TNPO2: variants seen among roughly 807,000 people sequenced by gnomAD.
The protein encoded by TNPO2 is transportin-2.
A neutral mutation model predicts 111.1 loss-of-function variants in TNPO2; 16 were observed. The observed-to-expected ratio is 0.14, with a 90% CI of 0.10 to 0.22. TNPO2 has a LOEUF of 0.22. TNPO2 is among the 10% of genes least tolerant of loss of function. The probability of loss-of-function intolerance (pLI) is 1.00; values close to 1 mark genes in which losing one functional copy is unlikely to be tolerated. For missense variants in TNPO2, 530 were observed against 1,173.7 expected (o/e 0.45, Z 8.01); for synonymous variants, 481 against 475.8 (o/e 1.01, Z -0.14).
In TNPO2 at chr19:12,706,163, G is replaced by T; in HGVS notation, c.1668+33C>A. On this transcript the variant is annotated intron_variant, in intron 15 of 25. Coordinates refer to ENST00000425528, the MANE Select transcript of TNPO2 (RefSeq NM_001382241.1). This position sits in a 1 kb window ranked among gnomAD's most constrained non-coding sequence, Gnocchi z 7.0. ...GTCACTGGATGCCCAGGGGCACGGG[G>T]ATCGGGAGGCGGGAGCCGCTCTGGG... 1.9e-6 allele frequency: 3 copies of T among 1,605,420 alleles called. No homozygotes were observed. The highest frequency in any genetic ancestry group is 2.6e-6 in the Non-Finnish European group (3 of 1,175,728).
intron 5 of TNPO2, among the ~76,000 whole-genome samples, chr19:12,716,625 AAAAC>A (rs1005465220): frequency 2.0e-5 from 3 of 152,162 alleles, no homozygotes; most frequent in African/African-American, 7.2e-5. Context: ...CTCCATTTCA[AAAAC>A]AAACAAAACA....
rs913782439 is a variant in TNPO2 at position 12,702,367 on chromosome 19, T to C, written c.2306-190A>G. 5.8e-6 allele frequency: 4 copies of C among 692,596 alleles called. No individual in the cohort carries two copies. The Admixed American group carries it at 8.3e-5, about 14-fold the overall frequency. The allele number at this position is 692,596 out of a possible 1,614,324, so 42.9% of individuals were successfully genotyped here. A position where few individuals can be genotyped will look rare whatever the true frequency, so the allele number is the denominator to read the frequency against. ...TCTCTCTGCATCTATCTTTCTTTCT[T>C]TCCTTTCCCTTTCCTTTTTGTTTTT... On this transcript the variant is annotated intron_variant, in intron 21 of 25. Coordinates refer to ENST00000425528, the MANE Select transcript of TNPO2 (RefSeq NM_001382241.1). The surrounding 1 kb of genome is among the most constrained non-coding windows in gnomAD (Gnocchi z 5.5).
At chr19:12,710,919 A>C in intron 12 of TNPO2, 146 bp from the exon 13 acceptor site, 1 of 965,258 alleles carries the variant, frequency 1.0e-6, no homozygotes. Flanking sequence ...TTTGAGACGG[A>C]GTCTCACTTT....
intron 10 of TNPO2, among the ~76,000 whole-genome samples, chr19:12,713,707 A>G (rs1445686013): frequency 6.6e-6 from 1 of 152,034 alleles, no homozygotes; most frequent in Admixed American, 6.6e-5. Flanking sequence ...CTCCGTCTCA[A>G]AAACAGAAAT....
chr19:12,703,675 G>T (rs2145464076), intron 19 of TNPO2, 39 bp downstream of exon 19: 4 of 1,600,652 alleles, frequency 2.5e-6, no homozygotes, highest in Non-Finnish European at 3.4e-6. Context: ...TTGAGGCCGG[G>T]GCTGGGGTCA....
rs2026529823 is a variant in TNPO2 at position 12,719,169 on chromosome 19, G to A, written c.185C>T (p.Thr62Met). The stretch of plus-strand genomic sequence containing the variant: ...GAGGATGAGGCCACTGAGAGAGCGC[G>A]TTGGCTCATCTGGGAGGAGGAAGGC... ...LTRLKSEDEPTRSLSGLILKN... is the reference protein window; with the variant it reads ...LTRLKSEDEPMRSLSGLILKN... The change falls in exon 5 of 26, where the codon ACG (threonine) becomes ATG (methionine). Residue 62 changes from threonine to methionine, a missense_variant. Physicochemically the swap from Thr to Met is moderately conservative, Grantham distance 81. Coordinates refer to ENST00000425528, the MANE Select transcript of TNPO2 (RefSeq NM_001382241.1). The surrounding 1 kb of genome is among the most constrained non-coding windows in gnomAD (Gnocchi z 5.0). 1 of 1,614,022 alleles carries A rather than the reference G, an allele frequency of 6.2e-7. No homozygotes were observed. Among genetic ancestry groups the A allele is most frequent in the Non-Finnish European group, 8.5e-7 (1 of 1,179,894 alleles).
rs1449309232 is a variant in TNPO2 at position 12,702,027 on chromosome 19, C to T, written c.2411+45G>A. 1.3e-6 allele frequency: 2 copies of T among 1,587,566 alleles called. No individual in the cohort carries two copies. Among genetic ancestry groups the T allele is most frequent in the Non-Finnish European group, 1.7e-6 (2 of 1,156,618 alleles). On this transcript the variant is annotated intron_variant, in intron 22 of 25. Coordinates refer to ENST00000425528, the MANE Select transcript of TNPO2 (RefSeq NM_001382241.1). This position sits in a 1 kb window ranked among gnomAD's most constrained non-coding sequence, Gnocchi z 5.5. ...TGCACAGGCGAGGGAGGGGGTTGGG[C>T]CAGTCCCGCCCACCACACAGCAGGC...
Position 12,716,526 on chromosome 19 carries a change from C to T in TNPO2, c.326-787G>A, listed in dbSNP as rs373314021. Among the ~76,000 whole-genome samples, 5 of 151,966 alleles carry T rather than the reference C, an allele frequency of 3.3e-5. No homozygotes were observed. The East Asian group carries it at 7.7e-4, about 24-fold the overall frequency. On this transcript the variant is annotated intron_variant, in intron 5 of 25. Coordinates refer to ENST00000425528, the MANE Select transcript of TNPO2 (RefSeq NM_001382241.1). ...CAGTAATCCCAGCTACTTGGGAGGC[C>T]GAGGCAGGAGAATCACTTGAACCTG...
At chr19:12,707,479 C>CT (rs56817777) in intron 13 of TNPO2, among the ~76,000 whole-genome samples, 862 of 75,090 alleles carry the variant, frequency 0.011, 115 homozygotes, top group Non-Finnish European at 0.016. Flanking sequence ...TGTGAGTTTT[C>CT]TTTTTTTTTT....
chr19:12,718,324 C>G (rs1035784438), intron 5 of TNPO2, among the ~76,000 whole-genome samples: 5 of 152,180 alleles, frequency 3.3e-5, no homozygotes, highest in Admixed American at 6.6e-5. Flanking sequence ...TGCCACCACG[C>G]CCAGCTAATT....
At position 12,714,865 on chromosome 19, in the gene TNPO2, G is replaced by C. The variant is rs375544397; in HGVS notation, c.846C>G (p.Ala282=). 13 of 1,613,688 alleles carry C rather than the reference G, an allele frequency of 8.1e-6. No individual in the cohort carries two copies. Among genetic ancestry groups the C allele is most frequent in the Non-Finnish European group, 1.1e-5 (13 of 1,179,810 alleles). ...GGACTTCCTTGCAGATGGGCTGCTC[G>C]GCCAGCGTCAGCCAGAACTCACAGG... ...LEACEFWLTL[A]EQPICKEVLA... Residue 282 remains alanine, a synonymous_variant, in exon 10 of 26, where the codon GCC becomes GCG. Coordinates refer to ENST00000425528, the MANE Select transcript of TNPO2 (RefSeq NM_001382241.1).
At position 12,706,239 on chromosome 19, in the gene TNPO2, A is replaced by G; in HGVS notation, c.1625T>C (p.Ile542Thr). 6.2e-7 allele frequency: 1 copy of G among 1,614,000 alleles called. No individual in the cohort carries two copies. Among genetic ancestry groups the G allele is most frequent in the Non-Finnish European group, 8.5e-7 (1 of 1,179,878 alleles). Residue 542 changes from isoleucine (I) to threonine (T), a missense_variant, in exon 15 of 26, where the codon ATT becomes ACT. Transcript: ENST00000425528. The surrounding 1 kb of genome is among the most constrained non-coding windows in gnomAD (Gnocchi z 7.0). ...GCCTACAGAGTCGGCCAGGGTGCCA[A>G]TGGCGTCATAGAGGATGAGCAGGTT... is the stretch of plus-strand genomic sequence containing the variant. Reference protein sequence around the residue: ...HKNLLILYDAIGTLADSVGHH... With the variant: ...HKNLLILYDATGTLADSVGHH...
At position 12,705,543 on chromosome 19, in the gene TNPO2, G is replaced by A. The variant is rs766783035; in HGVS notation, c.1812C>T (p.Pro604=). 38 of 1,605,592 alleles carry A rather than the reference G, an allele frequency of 2.4e-5. No individual in the cohort carries two copies. Among genetic ancestry groups the A allele is most frequent in the African/African-American group, 4.0e-5 (3 of 74,796 alleles). ...CCAGGGTGACACAGCGCTGGTAGAC[G>A]GGCTCACAGTAAGGCAGGAAGCCAC... ...LQSGFLPYCE[P]VYQRCVTLVQ... The change falls in exon 17 of 26, where the codon CCC becomes CCT. Residue 604 remains proline, a synonymous_variant. Coordinates refer to ENST00000425528, the MANE Select transcript of TNPO2 (RefSeq NM_001382241.1). This position sits in a 1 kb window ranked among gnomAD's most constrained non-coding sequence, Gnocchi z 7.2.
intron 12 of TNPO2, 46 bp from the exon 13 acceptor site, chr19:12,710,819 C>T (rs762365032): frequency 7.7e-6 from 12 of 1,554,662 alleles, no homozygotes; most frequent in Non-Finnish European, 9.6e-6. Flanking sequence ...GCCCCTCAGG[C>T]AGGTGGCCGA....
chr19:12,720,769 C>T, intron 3 of TNPO2, 110 bp downstream of exon 3: 3 of 1,374,120 alleles, frequency 2.2e-6, no homozygotes, highest in Non-Finnish European at 2.9e-6. Context: ...CTCCGCACAG[C>T]AGAAAAAATC....
At position 12,701,097 on chromosome 19, in the gene TNPO2, C is replaced by T. The variant is rs575633783; in HGVS notation, c.*167G>A. On this transcript the variant is annotated 3_prime_UTR_variant, in exon 26 of 26. Transcript: ENST00000425528. This position sits in a 1 kb window ranked among gnomAD's most constrained non-coding sequence, Gnocchi z 5.0. ...CCCACCTGCCAGGAGGGCAAGTGGA[C>T]GGATGGACGGACGGACGGACGGACG... The T allele has an allele frequency of 1.1e-5, 5 of 444,508 alleles. No homozygotes were observed. The highest frequency in any genetic ancestry group is 6.8e-5 in the South Asian group (2 of 29,356). 27.5% of individuals were successfully genotyped at this position (444,508 alleles called of 1,614,324 possible).
In TNPO2 at chr19:12,715,577, G is replaced by A. The variant is rs745322981; in HGVS notation, c.433-39C>T. On this transcript the variant is annotated intron_variant, in intron 6 of 25. Transcript: ENST00000425528. This position sits in a 1 kb window ranked among gnomAD's most constrained non-coding sequence, Gnocchi z 7.1. ...GGCAGAGAGACAAACGTGGGTGGTG[G>A]GTGGTGGTCCCAGCCCCCCAGTACT... 6.2e-7 allele frequency: 1 copy of A among 1,613,590 alleles called. No individual in the cohort carries two copies. The highest frequency in any genetic ancestry group is 1.1e-5 in the South Asian group (1 of 91,066).
At chr19:12,722,972 A>G (rs1234318381) in intron 2 of TNPO2, among the ~76,000 whole-genome samples, 7 of 152,072 alleles carry the variant, frequency 4.6e-5, no homozygotes, top group Non-Finnish European at 1.5e-5. Context: ...CCCTTCCCCC[A>G]TCCAGAGGTA....
At chr19:12,704,494 AGTT>A (rs1327123379) in intron 18 of TNPO2, among the ~76,000 whole-genome samples, 28 of 152,332 alleles carry the variant, frequency 1.8e-4, no homozygotes, top group African/African-American at 6.7e-4. Context: ...GTATGGGAAT[AGTT>A]GTTATACTGT....
Sources: allele counts gnomAD v4.1 joint callset (sites outside exome capture counted in the v4.1 genomes callset), GRCh38; gene constraint gnomAD v4.1.1; non-coding constraint Gnocchi (gnomAD v3.1); transcripts MANE v1.5; gene names NCBI Gene and HGNC (gene_info 2026-07-23, HGNC 2026-07-21).